The following SCP2 variants were observed in gnomAD, a reference collection of about 807,000 sequenced individuals.
SCP2 encodes the protein SCP-2/3-oxoacyl-CoA thiolase.
In SCP2, 48 loss-of-function variants were observed where a neutral mutation model predicts 71.4. The ratio of observed to expected loss-of-function variants is 0.67; its 90% confidence interval spans 0.53 to 0.86. The LOEUF is 0.86. Ranked by LOEUF, SCP2 falls within the 40% of genes least tolerant of loss-of-function variation. The pLI, the probability that SCP2 is intolerant of heterozygous loss-of-function variation, is 0.00. For synonymous variants in SCP2, 220 were observed against 218.1 expected (o/e 1.01, Z -0.08); for missense variants, 560 against 655.6 (o/e 0.85, Z 1.59).
chr1:52,970,893 C>CT (rs1657410828), intron 6 of SCP2, among the ~76,000 whole-genome samples: 1 of 146,784 alleles, frequency 6.8e-6, no homozygotes, highest in East Asian at 2.0e-4. Context: ...TCTAGTTATG[C>CT]TGAGAGTATG....
At chr1:52,927,549 C>T in intron 1 of SCP2, 84 bp downstream of exon 1, 2 of 1,016,218 alleles carry the variant, frequency 2.0e-6, no homozygotes, top group South Asian at 2.7e-5. Flanking sequence ...GGTCTCCTAG[C>T]TTCGACTGCT....
intron 4 of SCP2, among the ~76,000 whole-genome samples, chr1:52,951,718 A>G (rs915784936): frequency 6.6e-6 from 1 of 151,760 alleles, no homozygotes; most frequent in African/African-American, 2.4e-5. Context: ...ATGTAATATT[A>G]GAACTTTTTT....
intron 13 of SCP2, among the ~76,000 whole-genome samples, chr1:53,038,054 A>G (rs1168624909): frequency 6.6e-6 from 1 of 151,420 alleles, no homozygotes; most frequent in African/African-American, 2.4e-5. Flanking sequence ...GCTGAAGTAT[A>G]AGGATTGCTT....
intron 10 of SCP2, among the ~76,000 whole-genome samples, chr1:52,987,163 G>A (rs1203466537): frequency 4.0e-5 from 6 of 151,486 alleles, no homozygotes; most frequent in African/African-American, 1.5e-4. Flanking sequence ...TACCTGCCTC[G>A]GCCTCCCAAA....
At chr1:52,953,153 A>G (rs2150129294) in intron 4 of SCP2, among the ~76,000 whole-genome samples, 1 of 150,852 alleles carries the variant, frequency 6.6e-6, no homozygotes, top group East Asian at 1.9e-4. Context: ...CCCTCTCTCC[A>G]AAAATAATTC....
chr1:53,031,363 C>T (rs916766181), intron 13 of SCP2, among the ~76,000 whole-genome samples: 4 of 152,182 alleles, frequency 2.6e-5, no homozygotes, highest in African/African-American at 7.2e-5. Flanking sequence ...CTCCTTCCCA[C>T]GATTGTCAGT....
intron 2 of SCP2, among the ~76,000 whole-genome samples, chr1:52,944,878 C>G (rs1045962789): frequency 6.6e-6 from 1 of 151,950 alleles, no homozygotes; most frequent in South Asian, 2.1e-4. Context: ...AACTCCTGAC[C>G]TCGGGTGATC....
In SCP2 at chr1:52,952,029, C is replaced by T. The variant is rs114885397; in HGVS notation, c.331+1143C>T. On this transcript the variant is annotated intron_variant, in intron 4 of 15. Transcript: ENST00000371514. ...TCACAAAGTGAGGTGTGAGGCTTAC[C>T]TTGGCTTCACAAAGTGCTGGTGTGA... Among the ~76,000 whole-genome samples the T allele has an allele frequency of 6.4e-3, 973 of 152,194 alleles. 10 individuals are homozygous for T. The highest frequency in any genetic ancestry group is 0.023 in the African/African-American group (939 of 41,544).
At chr1:53,005,836 A>G (rs113833997) in intron 11 of SCP2, among the ~76,000 whole-genome samples, 1 of 152,188 alleles carries the variant, frequency 6.6e-6, no homozygotes, top group African/African-American at 2.4e-5. Flanking sequence ...CTCTGAGCTA[A>G]AGGAGGATGT....
intron 1 of SCP2, among the ~76,000 whole-genome samples, chr1:52,941,585 AT>A (rs966636985): frequency 4.6e-5 from 7 of 152,034 alleles, no homozygotes; most frequent in African/African-American, 1.5e-4. Context: ...AAATACAAAA[AT>A]TAGCTGGGCA....
At chr1:52,990,268 CA>C (rs397744209) in intron 11 of SCP2, among the ~76,000 whole-genome samples, 6 of 144,314 alleles carry the variant, frequency 4.2e-5, no homozygotes, top group Non-Finnish European at 7.5e-5. Context: ...CAGTTTTCAA[CA>C]AAAAAAAAGA....
At chr1:53,009,347 G>A (rs1660837829) in intron 11 of SCP2, among the ~76,000 whole-genome samples, 1 of 152,170 alleles carries the variant, frequency 6.6e-6, no homozygotes, top group South Asian at 2.1e-4. Flanking sequence ...GAACAAAGCT[G>A]GAGGCATCAC....
At chr1:52,984,094 C>T (rs539648572) in intron 10 of SCP2, among the ~76,000 whole-genome samples, 49 of 152,318 alleles carry the variant, frequency 3.2e-4, no homozygotes, top group African/African-American at 1.1e-3. Context: ...GGATCCTCTT[C>T]TCTGGCTCTC....
chr1:53,040,317 T>C (rs1452497403), intron 14 of SCP2, among the ~76,000 whole-genome samples: 1 of 152,236 alleles, frequency 6.6e-6, no homozygotes, highest in Non-Finnish European at 1.5e-5. Flanking sequence ...TTACTATGTA[T>C]GTCCTTGCTC....
At position 52,929,195 on chromosome 1, in the gene SCP2, CA is replaced by C. The variant is rs1454340512; in HGVS notation, c.69+1731del. 3.8e-3 allele frequency among the ~76,000 whole-genome samples: 411 copies of C among 109,476 alleles called. 4 individuals are homozygous for C. The highest frequency in any genetic ancestry group is 0.017 in the African/African-American group (387 of 22,504). The allele number at this position is 109,476 out of a possible 152,430, so 71.8% of individuals were successfully genotyped here. A position where few individuals can be genotyped will look rare whatever the true frequency, so the allele number is the denominator to read the frequency against. On this transcript the variant is annotated intron_variant, in intron 1 of 15. Transcript: ENST00000371514. ...AAATATTGACTAGACAACACTGTAA[CA>C]CTTTTTTTTTTTTTTTTGGAAGACG...
chr1:53,011,239 CTT>C (rs1660972069), intron 11 of SCP2, among the ~76,000 whole-genome samples: 1 of 152,148 alleles, frequency 6.6e-6, no homozygotes, highest in East Asian at 1.9e-4. Flanking sequence ...CGGATTATGA[CTT>C]TATTGTACTT....
intron 12 of SCP2, among the ~76,000 whole-genome samples, chr1:53,022,703 A>T (rs985679846): frequency 1.3e-5 from 2 of 152,200 alleles, no homozygotes; most frequent in Non-Finnish European, 2.9e-5. Context: ...TGATGATCAG[A>T]GTTAAAATAA....
intron 7 of SCP2, among the ~76,000 whole-genome samples, chr1:52,976,308 G>A (rs1210308449): frequency 6.6e-6 from 1 of 152,014 alleles, no homozygotes; most frequent in East Asian, 1.9e-4. Context: ...GGTTGAGCTG[G>A]CTCAAAAGTC....
chr1:53,028,102 G>A, intron 13 of SCP2, 31 bp downstream of exon 13: 1 of 1,260,510 alleles, frequency 7.9e-7, no homozygotes, highest in Non-Finnish European at 1.2e-6. Flanking sequence ...TGCCAGGAAG[G>A]ACCTTGAGGC....
Sources: allele counts gnomAD v4.1 joint callset (sites outside exome capture counted in the v4.1 genomes callset), GRCh38; gene constraint gnomAD v4.1.1; transcripts MANE v1.5; gene names NCBI Gene and HGNC (gene_info 2026-07-23, HGNC 2026-07-21).